The following CFAP299 variants were observed in gnomAD, a reference collection of about 807,000 sequenced individuals.
The protein encoded by CFAP299 is cilia- and flagella-associated protein 299.
In CFAP299, 21 loss-of-function variants were observed where a neutral mutation model predicts 27.0. That is an observed-to-expected ratio of 0.78 (90% CI 0.55 to 1.12). CFAP299 has a LOEUF of 1.12. CFAP299 is among the 50% of genes most tolerant of loss of function. The probability of loss-of-function intolerance (pLI) is 0.00; values close to 1 mark genes in which losing one functional copy is unlikely to be tolerated. For synonymous variants in CFAP299, 104 were observed against 98.1 expected (o/e 1.06, Z -0.36); for missense variants, 310 against 276.6 (o/e 1.12, Z -0.86).
chr4:80,379,612 A>G (rs1724594410), intron 2 of CFAP299, among the ~76,000 whole-genome samples: 1 of 151,828 alleles, frequency 6.6e-6, no homozygotes, highest in African/African-American at 2.4e-5. Context: ...TTCTATGTTT[A>G]TTTTAATTTT....
chr4:80,851,539 T>C (rs1731521841), intron 3 of CFAP299, among the ~76,000 whole-genome samples: 1 of 152,124 alleles, frequency 6.6e-6, no homozygotes. Flanking sequence ...ATGATTGCCT[T>C]TGTAGGAACT....
intron 2 of CFAP299, among the ~76,000 whole-genome samples, chr4:80,485,302 A>G (rs114131083): frequency 0.023 from 3,432 of 150,606 alleles, 127 homozygotes; most frequent in African/African-American, 0.078. Context: ...ATTGAACTAT[A>G]AAAGAAGAAG....
At chr4:80,603,848 C>T (rs1737496192) in intron 3 of CFAP299, among the ~76,000 whole-genome samples, 1 of 152,050 alleles carries the variant, frequency 6.6e-6, no homozygotes. Flanking sequence ...CTTGGTATCT[C>T]CATTTAGGAA....
At chr4:80,889,128 C>A (rs1370127011) in intron 4 of CFAP299, among the ~76,000 whole-genome samples, 1 of 144,844 alleles carries the variant, frequency 6.9e-6, no homozygotes, top group Non-Finnish European at 1.5e-5. Flanking sequence ...GAAGAAATAA[C>A]AAAGATCAAA....
intron 3 of CFAP299, among the ~76,000 whole-genome samples, chr4:80,616,536 A>G (rs1360042584): frequency 6.6e-6 from 1 of 152,088 alleles, no homozygotes; most frequent in Non-Finnish European, 1.5e-5. Context: ...TGAGTGAGGA[A>G]AAGTGACTTT....
intron 2 of CFAP299, among the ~76,000 whole-genome samples, chr4:80,418,232 A>G (rs947881864): frequency 2.6e-5 from 4 of 151,926 alleles, no homozygotes; most frequent in South Asian, 2.1e-4. Flanking sequence ...AACAAGCCCC[A>G]CTATTCTATG....
At chr4:80,800,493 TATATA>T (rs1181717753) in intron 3 of CFAP299, among the ~76,000 whole-genome samples, 41 of 2,516 alleles carry the variant, frequency 0.016, 1 homozygote, top group Middle Eastern at 0.25. Context: ...TAATATATAA[TATATA>T]ATATATTATA....
chr4:80,940,500 CT>C (rs1288313917), intron 4 of CFAP299, among the ~76,000 whole-genome samples: 2 of 152,132 alleles, frequency 1.3e-5, no homozygotes, highest in Non-Finnish European at 2.9e-5. Context: ...TATCCTCAAA[CT>C]TTTTTTCCAC....
intron 4 of CFAP299, among the ~76,000 whole-genome samples, chr4:80,887,370 T>C (rs1734022895): frequency 6.6e-6 from 1 of 152,084 alleles, no homozygotes; most frequent in Non-Finnish European, 1.5e-5. Flanking sequence ...GGATCTGTAA[T>C]ACCTCTGGAA....
intron 4 of CFAP299, among the ~76,000 whole-genome samples, chr4:80,911,632 AG>A (rs1735478268): frequency 6.6e-6 from 1 of 152,150 alleles, no homozygotes; most frequent in Non-Finnish European, 1.5e-5. Flanking sequence ...ATAAGATTCT[AG>A]TCAATACCAT....
intron 3 of CFAP299, among the ~76,000 whole-genome samples, chr4:80,813,157 A>G (rs1335665988): frequency 6.6e-6 from 1 of 152,074 alleles, no homozygotes; most frequent in Non-Finnish European, 1.5e-5. Context: ...CTATATGCAC[A>G]AATGTTGATA....
rs916328545 is a variant in CFAP299, at chr4:80,424,717, G to A, written c.242+61833G>A. ...AAGACACAGTTTCTGGACCTACTGAGGAAGAGATGATCATTACCTAGACAT... is the reference window on the plus strand; with the variant it reads ...AAGACACAGTTTCTGGACCTACTGAAGAAGAGATGATCATTACCTAGACAT... On this transcript the variant is annotated intron_variant, in intron 2 of 5. Transcript: ENST00000358105. Among the ~76,000 whole-genome samples the A allele has an allele frequency of 7.2e-5, 11 of 152,118 alleles. 1 individual carries two copies. The highest frequency in any genetic ancestry group is 3.3e-4 in the Admixed American group (5 of 15,282).
chr4:80,851,303 G>GCT (rs1731509709), intron 3 of CFAP299, among the ~76,000 whole-genome samples: 1 of 152,088 alleles, frequency 6.6e-6, no homozygotes, highest in Non-Finnish European at 1.5e-5. Context: ...ATATTTTTAA[G>GCT]CATCTACTAT....
chr4:80,511,203 C>G (rs1264181619), intron 2 of CFAP299, among the ~76,000 whole-genome samples: 2 of 152,060 alleles, frequency 1.3e-5, no homozygotes, highest in African/African-American at 4.8e-5. Flanking sequence ...CTCCCCTTAT[C>G]TATATTAAAA....
chr4:80,594,603 AC>A (rs1407326846), intron 3 of CFAP299, among the ~76,000 whole-genome samples: 1 of 152,206 alleles, frequency 6.6e-6, no homozygotes, highest in Non-Finnish European at 1.5e-5. Context: ...AATATCATAT[AC>A]CATTTTATTT....
intron 2 of CFAP299, among the ~76,000 whole-genome samples, chr4:80,567,203 C>T (rs2110229319): frequency 6.6e-6 from 1 of 151,952 alleles, no homozygotes; most frequent in Admixed American, 6.6e-5. Context: ...GAAATCTTTC[C>T]CAGAGATGCT....
intron 2 of CFAP299, among the ~76,000 whole-genome samples, chr4:80,515,128 A>G (rs72874098): frequency 0.081 from 12,361 of 152,202 alleles, 579 homozygotes; most frequent in Non-Finnish European, 0.094. Flanking sequence ...TAATTTTAAC[A>G]TCCAAAGAAA....
chr4:80,670,737 C>G (rs916645953), intron 3 of CFAP299, among the ~76,000 whole-genome samples: 1 of 152,136 alleles, frequency 6.6e-6, no homozygotes, highest in African/African-American at 2.4e-5. Flanking sequence ...CTCTGATGAC[C>G]AGTGATGATG....
At chr4:80,663,209 C>T (rs191903279) in intron 3 of CFAP299, among the ~76,000 whole-genome samples, 179 of 152,024 alleles carry the variant, frequency 1.2e-3, no homozygotes, top group African/African-American at 2.1e-3. Context: ...TACGTATACA[C>T]GTGCCATGGT....
Sources: gnomAD v4.1 joint callset for allele counts (sites outside exome capture counted in the v4.1 genomes callset) on GRCh38, gnomAD v4.1.1 for gene constraint, MANE v1.5 for transcripts, NCBI Gene and HGNC (gene_info 2026-07-23, HGNC 2026-07-21) for gene names.